PIH1D2: variants seen among roughly 807,000 people sequenced by gnomAD.
The protein encoded by PIH1D2 is PIH1 domain containing 2, also known as PIH1 domain-containing protein 2.
PIH1D2 carries 25 observed loss-of-function variants against 31.2 expected under a neutral mutation model. That is an observed-to-expected ratio of 0.80 (90% CI 0.58 to 1.12). The LOEUF (loss-of-function observed/expected upper bound fraction) is 1.12, where lower values mean the gene tolerates loss of function less well. Among genes scored for constraint, PIH1D2 ranks in the 50% most tolerant of loss-of-function variants. The probability of loss-of-function intolerance (pLI) is 0.00; values close to 1 mark genes in which losing one functional copy is unlikely to be tolerated. For missense variants in PIH1D2, 310 were observed against 356.6 expected (o/e 0.87, Z 1.05); for synonymous variants, 116 against 119.9 (o/e 0.97, Z 0.21).
In PIH1D2 at chr11:112,073,965, G is replaced by C. The variant is rs1865240737; in HGVS notation, c.-32+15C>G. ...AGTTCTAACGGGTAATCATTCTATA[G>C]GTTGGCAAACCCACCTCTTCTCTCA... On this transcript the variant is annotated intron_variant, in intron 1 of 5. Coordinates refer to ENST00000280350, the MANE Select transcript of PIH1D2 (RefSeq NM_138789.4). 6.2e-6 allele frequency: 1 copy of C among 162,136 alleles called. No individual in the cohort carries two copies. Among genetic ancestry groups the C allele is most frequent in the African/African-American group, 2.4e-5 (1 of 41,800 alleles). The allele number at this position is 162,136 out of a possible 1,614,324, so 10.0% of individuals were successfully genotyped here.
downstream of PIH1D2, among the ~76,000 whole-genome samples, chr11:112,058,356 G>C (rs1356879997): frequency 6.6e-6 from 1 of 152,134 alleles, no homozygotes; most frequent in African/African-American, 2.4e-5. Flanking sequence ...ATTAGAGCAG[G>C]TTCCTGTGTT....
At chr11:112,072,006 T>C (rs1185148212) in intron 2 of PIH1D2, among the ~76,000 whole-genome samples, 2 of 151,938 alleles carry the variant, frequency 1.3e-5, no homozygotes, top group African/African-American at 4.8e-5. Context: ...GGCAGGAGAA[T>C]CGCTTGAACC....
At chr11:112,058,913 G>A (rs1053051004), downstream of PIH1D2, among the ~76,000 whole-genome samples, 1 of 152,046 alleles carries the variant, frequency 6.6e-6, no homozygotes. Flanking sequence ...CTGAATTTCA[G>A]TATAGTTTCT....
chr11:112,068,507 G>GT (rs1448013860), intron 5 of PIH1D2, among the ~76,000 whole-genome samples: 2 of 152,208 alleles, frequency 1.3e-5, no homozygotes, highest in East Asian at 3.8e-4. Flanking sequence ...AATTGGCTGA[G>GT]TGCGGTGGCT....
chr11:112,056,095 T>C, the PIH1D2 span, among the ~76,000 whole-genome samples: 1 of 151,960 alleles, frequency 6.6e-6, no homozygotes, highest in East Asian at 1.9e-4. Flanking sequence ...CTCAATCTCT[T>C]GACTTTGTGA....
chr11:112,054,466 T>C, the PIH1D2 span, among the ~76,000 whole-genome samples: 1 of 152,186 alleles, frequency 6.6e-6, no homozygotes, highest in Non-Finnish European at 1.5e-5. Flanking sequence ...GCTAACCTAA[T>C]TGATTTTAAT....
chr11:112,064,583 T>A (rs929354062), downstream of PIH1D2, among the ~76,000 whole-genome samples: 1 of 152,100 alleles, frequency 6.6e-6, no homozygotes, highest in African/African-American at 2.4e-5. Context: ...AAGCACCCCA[T>A]GTTGGGGTGT....
At chr11:112,071,826 C>T in intron 2 of PIH1D2, 68 bp from the exon 3 acceptor site, 1 of 1,546,270 alleles carries the variant, frequency 6.5e-7, no homozygotes, top group Non-Finnish European at 8.9e-7. Context: ...GGCATGGTGG[C>T]TCCCGCCTGT....
downstream of PIH1D2, chr11:112,063,539 T>C (rs1864770052): frequency 6.6e-6 from 1 of 152,608 alleles, no homozygotes; most frequent in Admixed American, 6.5e-5. Context: ...GTAAACATTT[T>C]GGAGTGCTTA....
the PIH1D2 span, among the ~76,000 whole-genome samples, chr11:112,055,838 C>T: frequency 8.7e-6 from 1 of 114,982 alleles, no homozygotes; most frequent in African/African-American, 3.3e-5. Context: ...TCTGTGCCAG[C>T]ATATAGACAC....
At chr11:112,061,253 T>C, downstream of PIH1D2, 2 of 1,522,476 alleles carry the variant, frequency 1.3e-6, no homozygotes, top group Non-Finnish European at 1.8e-6. Flanking sequence ...CCTCAGGGGA[T>C]TGGCTCCAGG....
At chr11:112,052,505 T>C in the PIH1D2 span, among the ~76,000 whole-genome samples, 5 of 152,282 alleles carry the variant, frequency 3.3e-5, no homozygotes, top group East Asian at 9.7e-4. Flanking sequence ...ACTTTATGTT[T>C]ATTATAAAGG....
chr11:112,058,288 C>T (rs1555182792), downstream of PIH1D2, among the ~76,000 whole-genome samples: 1 of 152,164 alleles, frequency 6.6e-6, no homozygotes, highest in African/African-American at 2.4e-5. Flanking sequence ...GCAGTATTTG[C>T]TGTGTGATAC....
downstream of PIH1D2, chr11:112,062,259 T>C (rs1864678543): frequency 1.2e-6 from 1 of 825,614 alleles, no homozygotes; most frequent in Non-Finnish European, 1.9e-6. Context: ...AGCTATAAAT[T>C]TGAGCTAAAG....
intron 5 of PIH1D2, among the ~76,000 whole-genome samples, chr11:112,068,982 G>GTTTGT (rs1865021433): frequency 6.8e-5 from 6 of 88,432 alleles, no homozygotes; most frequent in African/African-American, 3.7e-4. Context: ...AATTTTTTTT[G>GTTTGT]TTTTTTTTTT....
chr11:112,061,259 C>A, downstream of PIH1D2: 1 of 1,422,936 alleles, frequency 7.0e-7, no homozygotes. Context: ...GGGATTGGCT[C>A]CAGGAACCCC....
At chr11:112,072,772 G>A in intron 2 of PIH1D2, 1 of 385,470 alleles carries the variant, frequency 2.6e-6, no homozygotes, top group South Asian at 4.4e-5. Context: ...GCTGAGGCAG[G>A]AGAATCGCTT....
chr11:112,064,833 G>T (rs1232673022), downstream of PIH1D2, among the ~76,000 whole-genome samples: 5 of 149,898 alleles, frequency 3.3e-5, no homozygotes, highest in African/African-American at 1.2e-4. Context: ...AGAAAAATCT[G>T]GTCTCCAAAT....
intron 5 of PIH1D2, among the ~76,000 whole-genome samples, chr11:112,068,922 G>A (rs1303811015): frequency 6.6e-6 from 1 of 150,834 alleles, no homozygotes; most frequent in Non-Finnish European, 1.5e-5. Context: ...GCTGATTAAG[G>A]CAATATAGAG....
Sources: gnomAD v4.1 joint callset for allele counts (sites outside exome capture counted in the v4.1 genomes callset) on GRCh38, gnomAD v4.1.1 for gene constraint, MANE v1.5 for transcripts, NCBI Gene and HGNC (gene_info 2026-07-23, HGNC 2026-07-21) for gene names.